Variants in AGBL4 observed in about 807,000 individuals in gnomAD.
The protein encoded by AGBL4 is AGBL carboxypeptidase 4.
AGBL4 carries 58 observed loss-of-function variants against 66.4 expected under a neutral mutation model. That is an observed-to-expected ratio of 0.87 (90% CI 0.71 to 1.09). AGBL4 has a LOEUF of 1.09. AGBL4 is among the 50% of genes least tolerant of loss of function. The probability of loss-of-function intolerance (pLI) is 0.00; values close to 1 mark genes in which losing one functional copy is unlikely to be tolerated. For missense variants in AGBL4, 579 were observed against 631.0 expected, an observed-to-expected ratio of 0.92 and a Z score of 0.88; for synonymous variants, 234 against 222.9, an observed-to-expected ratio of 1.05 and a Z score of -0.44.
chr1:48,640,449 C>A (rs752434342), intron 8 of AGBL4, among the ~76,000 whole-genome samples: 13 of 152,282 alleles, frequency 8.5e-5, no homozygotes, highest in Middle Eastern at 3.4e-3. Flanking sequence ...TGGATGAATA[C>A]CTTGCAGGTT....
intron 3 of AGBL4, among the ~76,000 whole-genome samples, chr1:49,262,195 A>C (rs1653245879): frequency 6.6e-6 from 1 of 152,232 alleles, no homozygotes; most frequent in Admixed American, 6.5e-5. Flanking sequence ...TAGACCTAAA[A>C]CCATAAAAAC....
chr1:49,566,501 A>G (rs1368591965), intron 3 of AGBL4, among the ~76,000 whole-genome samples: 2 of 152,082 alleles, frequency 1.3e-5, no homozygotes, highest in Non-Finnish European at 2.9e-5. Flanking sequence ...TCTGTTTGCT[A>G]GTTTTCCTTC....
chr1:49,735,920 A>T (rs913496142), intron 2 of AGBL4, among the ~76,000 whole-genome samples: 14 of 152,148 alleles, frequency 9.2e-5, no homozygotes, highest in African/African-American at 3.4e-4. Context: ...ACTGGAAAGT[A>T]TCAACAGCAA....
intron 1 of AGBL4, among the ~76,000 whole-genome samples, chr1:49,972,063 G>A (rs1658172905): frequency 6.6e-6 from 1 of 150,978 alleles, no homozygotes; most frequent in South Asian, 2.1e-4. Flanking sequence ...GACTACAGGT[G>A]CCTGCCACCA....
chr1:49,494,985 G>T (rs1345263734), intron 3 of AGBL4, among the ~76,000 whole-genome samples: 2 of 151,924 alleles, frequency 1.3e-5, no homozygotes, highest in Non-Finnish European at 2.9e-5. Flanking sequence ...GTCATTTTTT[G>T]TGGTATGAAT....
chr1:48,828,037 C>CAT (rs1553240545), intron 6 of AGBL4, among the ~76,000 whole-genome samples: 13 of 143,688 alleles, frequency 9.0e-5, no homozygotes, highest in Admixed American at 3.6e-4. Flanking sequence ...CACACACACA[C>CAT]ACACACAAAT....
At chr1:49,873,818 A>T (rs1434371159) in intron 1 of AGBL4, among the ~76,000 whole-genome samples, 1 of 152,124 alleles carries the variant, frequency 6.6e-6, no homozygotes, top group African/African-American at 2.4e-5. Context: ...CAAAATAAAC[A>T]TCTAAATTGA....
At chr1:49,679,509 C>A (rs1165644110) in intron 3 of AGBL4, among the ~76,000 whole-genome samples, 1 of 151,980 alleles carries the variant, frequency 6.6e-6, no homozygotes, top group Non-Finnish European at 1.5e-5. Flanking sequence ...TTTATTTAGT[C>A]ATGCTGCCAA....
At chr1:49,529,037 C>T (rs1168262465) in intron 3 of AGBL4, among the ~76,000 whole-genome samples, 1 of 151,958 alleles carries the variant, frequency 6.6e-6, no homozygotes, top group Non-Finnish European at 1.5e-5. Flanking sequence ...GTTATAAGAT[C>T]AGATTATTAT....
At chr1:48,996,298 C>T (rs1227403079) in intron 5 of AGBL4, among the ~76,000 whole-genome samples, 1 of 152,096 alleles carries the variant, frequency 6.6e-6, no homozygotes, top group African/African-American at 2.4e-5. Context: ...AACTCATTAG[C>T]ATATAGTTGA....
chr1:49,913,122 C>A (rs1651022167), intron 1 of AGBL4, among the ~76,000 whole-genome samples: 1 of 152,122 alleles, frequency 6.6e-6, no homozygotes, highest in African/African-American at 2.4e-5. Context: ...AAAGTCTTAA[C>A]CAGTTCAAGC....
chr1:49,428,124 C>T (rs1645707585), intron 3 of AGBL4, among the ~76,000 whole-genome samples: 1 of 152,180 alleles, frequency 6.6e-6, no homozygotes, highest in Admixed American at 6.5e-5. Context: ...CCCAGGAGCC[C>T]AGCTGGCTTC....
At chr1:48,958,617 G>A (rs1657698670) in intron 5 of AGBL4, among the ~76,000 whole-genome samples, 1 of 152,208 alleles carries the variant, frequency 6.6e-6, no homozygotes, top group African/African-American at 2.4e-5. Flanking sequence ...CCCACATCAG[G>A]AGTCCTGAGT....
chr1:49,549,311 T>A (rs928544093), intron 3 of AGBL4, among the ~76,000 whole-genome samples: 8 of 152,064 alleles, frequency 5.3e-5, no homozygotes, highest in Non-Finnish European at 1.2e-4. Flanking sequence ...ATTTCCTTTT[T>A]TTCTGCTGGG....
At chr1:49,177,664 G>A (rs1646856892) in intron 4 of AGBL4, among the ~76,000 whole-genome samples, 1 of 151,982 alleles carries the variant, frequency 6.6e-6, no homozygotes, top group South Asian at 2.1e-4. Context: ...GTGCTCTTTT[G>A]CACAGGACTA....
chr1:49,770,526 C>A (rs140352927), intron 2 of AGBL4, among the ~76,000 whole-genome samples: 134 of 152,148 alleles, frequency 8.8e-4, no homozygotes, highest in African/African-American at 3.1e-3. Flanking sequence ...GTAACGCTGA[C>A]CTTTTAAAAA....
chr1:49,396,469 A>G (rs1433718880), intron 3 of AGBL4, among the ~76,000 whole-genome samples: 1 of 152,140 alleles, frequency 6.6e-6, no homozygotes, highest in Admixed American at 6.6e-5. Flanking sequence ...ACCATATATA[A>G]TCGAGCTAAA....
chr1:48,925,009 C>A (rs1654408995), intron 5 of AGBL4, among the ~76,000 whole-genome samples: 1 of 152,068 alleles, frequency 6.6e-6, no homozygotes. Context: ...TGACTTGGAG[C>A]TGTGCTAGCT....
chr1:49,530,097 C>G (rs79922010), intron 3 of AGBL4, among the ~76,000 whole-genome samples: 5 of 151,220 alleles, frequency 3.3e-5, no homozygotes, highest in Non-Finnish European at 7.4e-5. Context: ...TGGTATGAAA[C>G]TACTGAACAT....
Sources: allele counts gnomAD v4.1 joint callset (sites outside exome capture counted in the v4.1 genomes callset), GRCh38; gene constraint gnomAD v4.1.1; transcripts MANE v1.5; gene names NCBI Gene and HGNC (gene_info 2026-07-23, HGNC 2026-07-21).